Variants in MACROD2 observed in about 807,000 individuals in gnomAD.
MACROD2 encodes the protein ADP-ribose glycohydrolase MACROD2.
Under a neutral mutation model 70.4 loss-of-function variants are expected in MACROD2, and 36 were observed. The observed-to-expected ratio is 0.51, with a 90% CI of 0.39 to 0.68. The LOEUF is 0.68. MACROD2 is among the 30% of genes least tolerant of loss of function. The probability of loss-of-function intolerance (pLI) is 0.00; values close to 1 mark genes in which losing one functional copy is unlikely to be tolerated. For missense variants in MACROD2, 496 were observed against 538.4 expected, an observed-to-expected ratio of 0.92 and a Z score of 0.78; for synonymous variants, 172 against 178.8, an observed-to-expected ratio of 0.96 and a Z score of 0.30.
intron 8 of MACROD2, among the ~76,000 whole-genome samples, chr20:15,519,785 C>T (rs538092148): frequency 6.6e-6 from 1 of 152,330 alleles, no homozygotes; most frequent in East Asian, 1.9e-4. Flanking sequence ...TTATCTCCCT[C>T]TGTCCACTCT....
intron 3 of MACROD2, among the ~76,000 whole-genome samples, chr20:14,461,484 G>A (rs1402299685): frequency 1.3e-5 from 2 of 150,978 alleles, no homozygotes; most frequent in African/African-American, 4.9e-5. Flanking sequence ...GAATTTGTTT[G>A]CTGTTACTTC....
intron 3 of MACROD2, among the ~76,000 whole-genome samples, chr20:14,275,960 T>G (rs1024455892): frequency 6.6e-6 from 1 of 152,116 alleles, no homozygotes; most frequent in African/African-American, 2.4e-5. Context: ...ATGGCAATCA[T>G]TAAAAGTCAG....
intron 5 of MACROD2, among the ~76,000 whole-genome samples, chr20:14,947,955 A>G (rs2074445880): frequency 6.6e-6 from 1 of 152,166 alleles, no homozygotes; most frequent in Admixed American, 6.5e-5. Flanking sequence ...CTACCATTCA[A>G]CAACTCACAA....
chr20:15,242,251 T>C (rs2146007759), intron 6 of MACROD2, among the ~76,000 whole-genome samples: 2 of 152,340 alleles, frequency 1.3e-5, no homozygotes, highest in South Asian at 4.1e-4. Flanking sequence ...AGGTAATTAA[T>C]ACTCTTCACA....
At chr20:15,758,699 C>T (rs947003125) in intron 8 of MACROD2, among the ~76,000 whole-genome samples, 21 of 151,986 alleles carry the variant, frequency 1.4e-4, no homozygotes, top group African/African-American at 5.1e-4. Context: ...TCCACCACAC[C>T]CAGCTAGTTT....
chr20:15,083,806 T>C (rs373561), intron 5 of MACROD2, among the ~76,000 whole-genome samples: 96,380 of 151,872 alleles, frequency 0.63, 30,886 homozygotes, highest in East Asian at 0.73. Context: ...ATGGGAGTCA[T>C]TGGAGCAGAA....
chr20:15,599,340 C>T (rs2048788017), intron 8 of MACROD2, among the ~76,000 whole-genome samples: 1 of 151,986 alleles, frequency 6.6e-6, no homozygotes, highest in Non-Finnish European at 1.5e-5. Flanking sequence ...TGCAGTGAGC[C>T]GAGATCGCGC....
At chr20:14,421,506 A>G (rs781507029) in intron 3 of MACROD2, among the ~76,000 whole-genome samples, 5 of 152,192 alleles carry the variant, frequency 3.3e-5, no homozygotes, top group Non-Finnish European at 7.4e-5. Context: ...TTGGCATACA[A>G]ATGTTCATAG....
intron 4 of MACROD2, among the ~76,000 whole-genome samples, chr20:14,597,853 A>G (rs998355053): frequency 2.0e-5 from 3 of 152,172 alleles, no homozygotes; most frequent in Non-Finnish European, 4.4e-5. Context: ...TGACATGAAC[A>G]TAGATTCAAA....
At chr20:14,046,810 C>T (rs566189436) in intron 2 of MACROD2, among the ~76,000 whole-genome samples, 1 of 151,676 alleles carries the variant, frequency 6.6e-6, no homozygotes, top group Admixed American at 6.6e-5. Context: ...GGGTTACAAA[C>T]TGCAGTTTGA....
intron 15 of MACROD2, among the ~76,000 whole-genome samples, chr20:16,032,826 G>A (rs1321195744): frequency 6.6e-6 from 1 of 151,590 alleles, no homozygotes; most frequent in Non-Finnish European, 1.5e-5. Flanking sequence ...GGAAAAAAGA[G>A]AGAAGGAAGG....
intron 2 of MACROD2, among the ~76,000 whole-genome samples, chr20:14,025,352 G>A (rs1490691805): frequency 1.3e-5 from 2 of 152,052 alleles, no homozygotes; most frequent in African/African-American, 2.4e-5. Flanking sequence ...GGTTTTTCGT[G>A]TCTGTATCTC....
At chr20:15,472,766 C>T (rs915316815) in intron 7 of MACROD2, among the ~76,000 whole-genome samples, 8 of 152,010 alleles carry the variant, frequency 5.3e-5, no homozygotes, top group African/African-American at 1.9e-4. Flanking sequence ...ATGTTCTTTC[C>T]CATAACTAAA....
intron 8 of MACROD2, among the ~76,000 whole-genome samples, chr20:15,738,316 C>T (rs558357334): frequency 3.9e-4 from 60 of 152,096 alleles, no homozygotes; most frequent in Non-Finnish European, 6.6e-4. Context: ...TAAATAAATA[C>T]ACCTACTATG....
intron 8 of MACROD2, among the ~76,000 whole-genome samples, chr20:15,720,015 TTTTTTAGCTCCTACATA>T (rs2050765531): frequency 6.6e-6 from 1 of 152,140 alleles, no homozygotes; most frequent in Non-Finnish European, 1.5e-5. Context: ...ATAAGATCAG[TTTTTTAGCTCCTACATA>T]TGAATGAGAA....
intron 6 of MACROD2, among the ~76,000 whole-genome samples, chr20:15,260,968 G>A (rs558317092): frequency 1.8e-4 from 27 of 152,074 alleles, no homozygotes; most frequent in Admixed American, 9.8e-4. Flanking sequence ...TGGGCCATGA[G>A]GTTATTCAAT....
intron 6 of MACROD2, among the ~76,000 whole-genome samples, chr20:15,285,241 AAC>A (rs1049113102): frequency 9.8e-5 from 15 of 152,322 alleles, no homozygotes; most frequent in African/African-American, 3.4e-4. Context: ...GCAGAAAATT[AAC>A]AGTCACATAA....
intron 2 of MACROD2, among the ~76,000 whole-genome samples, chr20:14,034,033 G>A (rs557898667): frequency 2.6e-4 from 39 of 151,968 alleles, no homozygotes; most frequent in Middle Eastern, 3.4e-3. Flanking sequence ...GTGCAGTGGC[G>A]CTATCTTGGC....
At chr20:15,106,541 C>A (rs1233047499) in intron 5 of MACROD2, among the ~76,000 whole-genome samples, 5 of 152,086 alleles carry the variant, frequency 3.3e-5, no homozygotes, top group African/African-American at 1.2e-4. Flanking sequence ...AGGCTTGAAC[C>A]CTCAGAAGAA....
Sources: gnomAD v4.1 joint callset for allele counts (sites outside exome capture counted in the v4.1 genomes callset) on GRCh38, gnomAD v4.1.1 for gene constraint, MANE v1.5 for transcripts, NCBI Gene and HGNC (gene_info 2026-07-23, HGNC 2026-07-21) for gene names.